The following UGT1A6 variants were observed in gnomAD, a reference collection of about 807,000 sequenced individuals.
UGT1A6 encodes UDP-glucuronosyltransferase 1A6.
A neutral mutation model predicts 44.4 loss-of-function variants in UGT1A6; 32 were observed. That is an observed-to-expected ratio of 0.72 (90% CI 0.54 to 0.97). The LOEUF (loss-of-function observed/expected upper bound fraction) is 0.97, where lower values mean the gene tolerates loss of function less well. UGT1A6 is among the 50% of genes least tolerant of loss of function. UGT1A6 has a pLI of 0.00. For synonymous variants in UGT1A6, 238 were observed against 248.5 expected, an observed-to-expected ratio of 0.96 and a Z score of 0.40; for missense variants, 685 against 661.9, an observed-to-expected ratio of 1.03 and a Z score of -0.38.
intron 1 of UGT1A6, among the ~76,000 whole-genome samples, chr2:233,727,384 C>T (rs1032238584): frequency 4.6e-5 from 7 of 152,144 alleles, no homozygotes; most frequent in Admixed American, 1.3e-4. Flanking sequence ...TGGAGTACCA[C>T]CGTCTTCCAA....
Position 233,733,786 on chromosome 2 carries a change from C to A in UGT1A6, c.862-33248C>A, listed in dbSNP as rs149311802. Among the ~76,000 whole-genome samples the A allele has an allele frequency of 6.6e-4, 100 of 152,236 alleles. 1 individual carries two copies. The highest frequency in any genetic ancestry group is 1.9e-3 in the African/African-American group (79 of 41,542). On this transcript the variant is annotated intron_variant, in intron 1 of 4. Transcript: ENST00000305139. ...ATTTTCTTTTTTTGTTGTGTCCCTG[C>A]CAACCTTTGGTATCAGGATGATGCT...
chr2:233,768,875 C>T (rs543311550), intron 4 of UGT1A6, among the ~76,000 whole-genome samples: 45 of 152,066 alleles, frequency 3.0e-4, no homozygotes, highest in African/African-American at 8.0e-4. Context: ...TGAGCCAGCG[C>T]GTCTGACCTG....
In UGT1A6 at chr2:233,772,606, T is replaced by C. The variant is rs34895241; in HGVS notation, c.*47T>C. 98 of 1,584,170 alleles carry C rather than the reference T, an allele frequency of 6.2e-5. No homozygotes were observed. Among genetic ancestry groups the C allele is most frequent in the Admixed American group, 4.5e-4 (25 of 55,206 alleles). On this transcript the variant is annotated 3_prime_UTR_variant, in exon 5 of 5. Transcript: ENST00000305139. The stretch of plus-strand genomic sequence containing the variant: ...AAAATTTTGAACCATTCCCTAGTCA[T>C]TTCCAAACTTGAAAACAGAATCAGT...
chr2:233,728,143 T>C (rs2077685239), intron 1 of UGT1A6, among the ~76,000 whole-genome samples: 1 of 152,216 alleles, frequency 6.6e-6, no homozygotes, highest in African/African-American at 2.4e-5. Flanking sequence ...CCCCACAAAT[T>C]GTGCAGCCCA....
chr2:233,719,373 A>G (rs772532709), intron 1 of UGT1A6: 4 of 1,613,970 alleles, frequency 2.5e-6, no homozygotes. Flanking sequence ...CTTTAAGGGC[A>G]CACAGTGTCC....
chr2:233,717,965 T>C (rs535452476), intron 1 of UGT1A6: 52 of 449,572 alleles, frequency 1.2e-4, no homozygotes, highest in African/African-American at 5.6e-4. Flanking sequence ...CTGGAGCCTT[T>C]GGCATTCAGA....
At chr2:233,713,559 C>A (rs2076330071) in intron 1 of UGT1A6, 1 of 1,613,946 alleles carries the variant, frequency 6.2e-7, no homozygotes, top group Non-Finnish European at 8.5e-7. Context: ...GTGTCCAAAC[C>A]CTTCCTCCTA....
At chr2:233,757,844 A>G (rs1442911565) in intron 1 of UGT1A6, among the ~76,000 whole-genome samples, 1 of 151,968 alleles carries the variant, frequency 6.6e-6, no homozygotes. Context: ...CTACTAACTT[A>G]TGTCTTCAGC....
At chr2:233,718,649 C>T (rs1013351620) in intron 1 of UGT1A6, 54 of 1,503,054 alleles carry the variant, frequency 3.6e-5, no homozygotes, top group Middle Eastern at 2.4e-4. Context: ...GGGCCCATAA[C>T]GAAAGGCAGT....
At chr2:233,715,656 C>T (rs1272409868) in intron 1 of UGT1A6, among the ~76,000 whole-genome samples, 1 of 152,072 alleles carries the variant, frequency 6.6e-6, no homozygotes, top group Non-Finnish European at 1.5e-5. Context: ...CCTGTGGTCC[C>T]AGCTACTCGG....
At chr2:233,747,007 G>C (rs1207556963) in intron 1 of UGT1A6, among the ~76,000 whole-genome samples, 1 of 151,856 alleles carries the variant, frequency 6.6e-6, no homozygotes, top group South Asian at 2.1e-4. Context: ...TTTCAAGTAG[G>C]AGTGATCGGT....
Position 233,769,397 on chromosome 2 carries a change from A to T in UGT1A6, c.1301+958A>T, listed in dbSNP as rs1699854250. ...TCATCCGACAATAGATACTGTGTGC[A>T]TATGTGCGTGTGCGTTTGTGCATGT... is the stretch of plus-strand genomic sequence containing the variant. On this transcript the variant is annotated intron_variant, in intron 4 of 4. Transcript: ENST00000305139. This position sits in a 1 kb window ranked among gnomAD's most constrained non-coding sequence, Gnocchi z 4.4. 1.7e-6 allele frequency: 2 copies of T among 1,148,656 alleles called. No individual in the cohort carries two copies. Among genetic ancestry groups the T allele is most frequent in the East Asian group, 2.5e-5 (1 of 39,850 alleles). 71.2% of individuals were successfully genotyped at this position (1,148,656 alleles called of 1,614,324 possible).
At chr2:233,708,233 A>G (rs1227435059) in intron 1 of UGT1A6, among the ~76,000 whole-genome samples, 2 of 152,190 alleles carry the variant, frequency 1.3e-5, no homozygotes, top group African/African-American at 4.8e-5. Context: ...TCCCTTAGCA[A>G]TGTATAAGTG....
Position 233,767,174 on chromosome 2 carries a change from A to G in UGT1A6, c.993+9A>G. 1.2e-6 allele frequency: 2 copies of G among 1,614,054 alleles called. No homozygotes were observed. Among genetic ancestry groups the G allele is most frequent in the Non-Finnish European group, 1.7e-6 (2 of 1,180,004 alleles). ...GCAAAATCCCTCAGACAGTAAGAAG[A>G]TTCTATACCATGGCCTCATATCTAT... is the stretch of plus-strand genomic sequence containing the variant. On this transcript the variant is annotated intron_variant, in intron 2 of 4. Transcript: ENST00000305139.
Position 233,718,977 on chromosome 2 carries a change from G to T in UGT1A6, c.861+25112G>T, listed in dbSNP as rs930216391. ...GCGGGAGGCCTTGCGGGAGCTCCAT[G>T]CCAGAGGCCACCAGGCGGTGGTCCT... On this transcript the variant is annotated intron_variant, in intron 1 of 4. Coordinates refer to ENST00000305139, the MANE Select transcript of UGT1A6 (RefSeq NM_001072.4). 3.1e-6 allele frequency: 5 copies of T among 1,614,122 alleles called. No homozygotes were observed. In the Admixed American group the frequency reaches 8.3e-5, roughly 27 times the overall value.
At chr2:233,729,678 C>G (rs748966468) in intron 1 of UGT1A6, 1 of 1,613,812 alleles carries the variant, frequency 6.2e-7, no homozygotes, top group Non-Finnish European at 8.5e-7. Flanking sequence ...ACTTTAAGGG[C>G]ACACAGTGTC....
chr2:233,744,560 T>C (rs1423343809), intron 1 of UGT1A6, among the ~76,000 whole-genome samples: 1 of 151,924 alleles, frequency 6.6e-6, no homozygotes, highest in Admixed American at 6.5e-5. Flanking sequence ...CAAAATGTAG[T>C]GAGAAGAGTG....
chr2:233,763,186 T>C (rs1029740722), intron 1 of UGT1A6, among the ~76,000 whole-genome samples: 4 of 152,264 alleles, frequency 2.6e-5, no homozygotes, highest in Non-Finnish European at 4.4e-5. Flanking sequence ...TATTTGTTGT[T>C]GCCTTGTTTG....
chr2:233,706,179 C>A (rs2075892284), intron 1 of UGT1A6, among the ~76,000 whole-genome samples: 1 of 152,216 alleles, frequency 6.6e-6, no homozygotes, highest in Non-Finnish European at 1.5e-5. Flanking sequence ...TGTGGTGTGT[C>A]TGCCCAGGCT....
Sources: allele counts gnomAD v4.1 joint callset (sites outside exome capture counted in the v4.1 genomes callset), GRCh38; gene constraint gnomAD v4.1.1; non-coding constraint Gnocchi (gnomAD v3.1); transcripts MANE v1.5; gene names NCBI Gene and HGNC (gene_info 2026-07-23, HGNC 2026-07-21).